The following DNAH12 variants were observed in gnomAD, a reference collection of about 807,000 sequenced individuals.
DNAH12 encodes dynein axonemal heavy chain 12, also known as axonemal beta dynein heavy chain 12.
In DNAH12, 285 loss-of-function variants were observed where a neutral mutation model predicts 371.5. The observed-to-expected ratio is 0.77, with a 90% CI of 0.70 to 0.85. The LOEUF (loss-of-function observed/expected upper bound fraction) is 0.85. DNAH12 is among the 40% of genes least tolerant of loss of function. The pLI, the probability that DNAH12 is intolerant of heterozygous loss-of-function variation, is 0.00. For missense variants in DNAH12, 3,611 were observed against 3,689.4 expected, an observed-to-expected ratio of 0.98 and a Z score of 0.55; for synonymous variants, 1,200 against 1,213.0, an observed-to-expected ratio of 0.99 and a Z score of 0.22.
chr3:57,442,453 T>C (rs2065338224), intron 29 of DNAH12, among the ~76,000 whole-genome samples: 1 of 152,118 alleles, frequency 6.6e-6, no homozygotes, highest in African/African-American at 2.4e-5. Flanking sequence ...ACTGGTAAAA[T>C]ACTAACTGTA....
chr3:57,309,554 G>A, intron 68 of DNAH12, 112 bp downstream of exon 68: 4 of 1,087,336 alleles, frequency 3.7e-6, no homozygotes, highest in African/African-American at 1.6e-5. Context: ...AATGCTTAGA[G>A]AGGCAAAGTT....
intron 30 of DNAH12, among the ~76,000 whole-genome samples, chr3:57,435,375 A>C (rs867641183): frequency 0.16 from 17,827 of 110,058 alleles, 1,109 homozygotes; most frequent in South Asian, 0.24. Flanking sequence ...CTGTCTCCCA[A>C]AAAAAAAAAA....
At chr3:57,302,064 C>A in intron 69 of DNAH12, 125 bp from the exon 70 acceptor site, 1 of 938,576 alleles carries the variant, frequency 1.1e-6, no homozygotes, top group Non-Finnish European at 1.6e-6. Context: ...GTGTCACCTC[C>A]CATGTGGTGG....
At chr3:57,411,570 TACA>T (rs2064208479) in intron 39 of DNAH12, among the ~76,000 whole-genome samples, 2 of 118,054 alleles carry the variant, frequency 1.7e-5, no homozygotes, top group South Asian at 5.2e-4. Context: ...GAAAGAAAAG[TACA>T]ACACCATTTA....
chr3:57,297,403 T>C (rs571921576), intron 70 of DNAH12: 1 of 174,626 alleles, frequency 5.7e-6, no homozygotes, highest in Non-Finnish European at 1.2e-5. Flanking sequence ...TTACCCAGGC[T>C]GGAGTGCAGT....
the DNAH12 span, among the ~76,000 whole-genome samples, chr3:57,551,809 AT>A: frequency 6.6e-6 from 1 of 152,038 alleles, no homozygotes; most frequent in Non-Finnish European, 1.5e-5. Flanking sequence ...CATCAAAAAA[AT>A]GAAAAAAAAA....
chr3:57,359,926 G>T (rs2062886608), intron 58 of DNAH12, among the ~76,000 whole-genome samples: 1 of 152,118 alleles, frequency 6.6e-6, no homozygotes, highest in African/African-American at 2.4e-5. Context: ...GTATGTTTTA[G>T]CTCAAACCAT....
At chr3:57,364,308 T>C (rs2063000742) in intron 57 of DNAH12, among the ~76,000 whole-genome samples, 3 of 152,146 alleles carry the variant, frequency 2.0e-5, no homozygotes, top group East Asian at 1.9e-4. Context: ...TGGTTCCATA[T>C]TGGACACTCT....
intron 62 of DNAH12, among the ~76,000 whole-genome samples, 175 bp from the exon 63 acceptor site, chr3:57,323,794 G>A (rs2061865608): frequency 6.6e-6 from 1 of 151,398 alleles, no homozygotes; most frequent in Non-Finnish European, 1.5e-5. Context: ...ACATTTATAG[G>A]AGAAGACTAT....
At chr3:57,410,307 C>A (rs1262995745) in intron 39 of DNAH12, among the ~76,000 whole-genome samples, 5 of 151,408 alleles carry the variant, frequency 3.3e-5, no homozygotes, top group Non-Finnish European at 7.4e-5. Flanking sequence ...TCAAACTTTT[C>A]CATTTTTTTT....
intron 62 of DNAH12, 53 bp from the exon 63 acceptor site, chr3:57,323,672 G>C (rs1039851137): frequency 6.3e-6 from 9 of 1,430,136 alleles, no homozygotes; most frequent in Non-Finnish European, 8.3e-6. Context: ...TCACATAATG[G>C]ATATGAATAT....
rs1332285839 is a variant in DNAH12 at position 57,403,458 on chromosome 3, G to A, written c.6799C>T (p.Gln2267Ter). 6.4e-7 allele frequency: 1 copy of A among 1,550,540 alleles called. No homozygotes were observed. Among genetic ancestry groups the A allele is most frequent in the African/African-American group, 1.4e-5 (1 of 72,954 alleles). ...ACAAGCAAAGCATTTCCACCAGATT[G>A]CTTTAGAACTCGACATATTCTTGAT... The part of the protein sequence containing the change: ...HLSRICRVLK[Q>*]SGGNALLVGL... The change falls in exon 43 of 74, where the codon CAA becomes TAA. Residue 2267 changes from glutamine to a stop codon, truncating the protein, a stop_gained. Transcript: ENST00000495027. LOFTEE classifies it high-confidence loss of function.
Position 57,322,323 on chromosome 3 carries a change from T to G in DNAH12, c.10524+20A>C, listed in dbSNP as rs1015554123. 17 of 1,538,120 alleles carry G rather than the reference T, an allele frequency of 1.1e-5. 1 individual carries two copies. The Admixed American group carries it at 2.9e-4, about 26-fold the overall frequency. ...ATCACTATAAAACACATTTTAAAAG[T>G]TCCAAAAGATGAATATTACCAGTTC... On this transcript the variant is annotated intron_variant, in intron 65 of 73. Transcript: ENST00000495027.
At chr3:57,411,456 G>A (rs2064197930) in intron 39 of DNAH12, among the ~76,000 whole-genome samples, 1 of 144,392 alleles carries the variant, frequency 6.9e-6, no homozygotes, top group Admixed American at 7.1e-5. Context: ...TGAACCCAGA[G>A]GCAGAGGTTG....
In DNAH12 at chr3:57,415,665, C is replaced by G. The variant is rs1354206477; in HGVS notation, c.5715-101G>C. The stretch of plus-strand genomic sequence containing the variant: ...TTAAAAGTGTACATAAGAATCAAAT[C>G]ATCTTCATTAAAAACTCATTTTTAC... On this transcript the variant is annotated intron_variant, in intron 37 of 73. Transcript: ENST00000495027. The G allele has an allele frequency of 5.9e-6, 7 of 1,178,188 alleles. No individual in the cohort carries two copies. In the African/African-American group the frequency reaches 1.1e-4, roughly 19 times the overall value. 73.0% of individuals were successfully genotyped at this position (1,178,188 alleles called of 1,614,324 possible).
chr3:57,372,066 G>A (rs1054076417), intron 55 of DNAH12, among the ~76,000 whole-genome samples: 2 of 151,364 alleles, frequency 1.3e-5, no homozygotes, highest in African/African-American at 2.4e-5. Flanking sequence ...ATTTGATAGT[G>A]CAGTAGGGTA....
At chr3:57,296,262 C>T (rs2061230925) in intron 72 of DNAH12, 82 bp downstream of exon 72, 1 of 1,119,074 alleles carries the variant, frequency 8.9e-7, no homozygotes, top group Non-Finnish European at 1.2e-6. Context: ...TAAAAGAGGA[C>T]TTTTTTTTTA....
Position 57,405,144 on chromosome 3 carries a change from T to C in DNAH12, c.6580A>G (p.Thr2194Ala), listed in dbSNP as rs782318372. 1 of 1,521,428 alleles carries C rather than the reference T, an allele frequency of 6.6e-7. No homozygotes were observed. The highest frequency in any genetic ancestry group is 2.5e-5 in the East Asian group (1 of 39,792). The allele number at this position is 1,521,428 out of a possible 1,614,324, so 94.2% of individuals were successfully genotyped here. Reference protein sequence around the residue: ...SHLRKQNAPVTEEDLRNLMFG... With the variant: ...SHLRKQNAPVAEEDLRNLMFG... ...ATGAGATTTCTTAAGTCTTCTTCAGTTACCTATAGAAAGGAAATCAACAAA... is the reference window on the plus strand; with the variant it reads ...ATGAGATTTCTTAAGTCTTCTTCAGCTACCTATAGAAAGGAAATCAACAAA... The change falls in exon 42 of 74, where the codon ACT (threonine) becomes GCT (alanine). Residue 2194 changes from threonine (T) to alanine (A), a missense_variant. Thr to Ala is a moderately conservative substitution (Grantham distance 58, BLOSUM62 0). Coordinates refer to ENST00000495027, the MANE Select transcript of DNAH12 (RefSeq NM_001366028.2).
chr3:57,354,650 A>T (rs1327647608), intron 59 of DNAH12, among the ~76,000 whole-genome samples: 1 of 152,136 alleles, frequency 6.6e-6, no homozygotes, highest in East Asian at 1.9e-4. Flanking sequence ...TTCTATTCAC[A>T]AATACACGTA....
Sources: allele counts gnomAD v4.1 joint callset (sites outside exome capture counted in the v4.1 genomes callset), GRCh38; gene constraint gnomAD v4.1.1; transcripts MANE v1.5; gene names NCBI Gene and HGNC (gene_info 2026-07-23, HGNC 2026-07-21).